The following KIF24 variants were observed in gnomAD, a reference collection of about 807,000 sequenced individuals.
KIF24 encodes kinesin-like protein KIF24.
In KIF24, 81 loss-of-function variants were observed where a neutral mutation model predicts 118.9. The observed-to-expected ratio is 0.68, with a 90% CI of 0.57 to 0.82. KIF24 has a LOEUF of 0.82. Among genes scored for constraint, KIF24 ranks in the 40% least tolerant of loss-of-function variants. The pLI is 0.00. For missense variants in KIF24, 1,560 were observed against 1,661.6 expected (o/e 0.94, Z 1.06); for synonymous variants, 599 against 610.0 (o/e 0.98, Z 0.27).
intron 1 of KIF24, among the ~76,000 whole-genome samples, chr9:34,313,656 G>A (rs552146228): frequency 4.0e-5 from 6 of 150,728 alleles, no homozygotes; most frequent in African/African-American, 1.5e-4. Context: ...GCAATTTTAG[G>A]TTCACAGCAA....
At position 34,252,454 on chromosome 9, in the gene KIF24, A is replaced by G. The variant is rs915869256; in HGVS notation, c.*1926T>C. On this transcript the variant is annotated 3_prime_UTR_variant, in exon 13 of 13. Transcript: ENST00000402558. ...AAATACAAAGGATATACAGTCTTGAATCTAAAATAATTTGCTAACTAACTA... is the reference window on the plus strand; with the variant it reads ...AAATACAAAGGATATACAGTCTTGAGTCTAAAATAATTTGCTAACTAACTA... The G allele has an allele frequency of 8.7e-5, 9 of 103,772 alleles. No individual in the cohort carries two copies. Among genetic ancestry groups the G allele is most frequent in the Admixed American group, 2.3e-4 (2 of 8,764 alleles). The allele number at this position is 103,772 out of a possible 1,614,324, so 6.4% of individuals were successfully genotyped here.
At chr9:34,259,798 C>T in intron 9 of KIF24, 93 bp from the exon 10 acceptor site, 1 of 752,498 alleles carries the variant, frequency 1.3e-6, no homozygotes, top group Non-Finnish European at 2.3e-6. Flanking sequence ...GCCATAGTTC[C>T]CTTCTGTCCA....
chr9:34,316,339 A>T (rs74448255), intron 1 of KIF24, among the ~76,000 whole-genome samples: 2 of 142,664 alleles, frequency 1.4e-5, no homozygotes, highest in Non-Finnish European at 3.0e-5. Context: ...GACTCTATTA[A>T]AAAAAAAAAA....
chr9:34,254,242 C>T lies in KIF24; in HGVS notation c.*138G>A. On this transcript the variant is annotated 3_prime_UTR_variant, in exon 13 of 13. Coordinates refer to ENST00000402558, the MANE Select transcript of KIF24 (RefSeq NM_194313.4). Reference sequence around the variant, plus strand: ...GGGACCTATCTGAAGCCACGTGGGGCTGGGGTGACGCTAGCATAGGCAGGA... The same window carrying T: ...GGGACCTATCTGAAGCCACGTGGGGTTGGGGTGACGCTAGCATAGGCAGGA... 1 of 955,264 alleles carries T rather than the reference C, an allele frequency of 1.0e-6. No homozygotes were observed. The highest frequency in any genetic ancestry group is 1.5e-6 in the Non-Finnish European group (1 of 680,262). The allele number at this position is 955,264 out of a possible 1,614,324, so 59.2% of individuals were successfully genotyped here.
At chr9:34,314,267 A>T (rs1837267184) in intron 1 of KIF24, among the ~76,000 whole-genome samples, 1 of 151,404 alleles carries the variant, frequency 6.6e-6, no homozygotes, top group Non-Finnish European at 1.5e-5. Context: ...GAGTTCAAGC[A>T]ATTCCCATGC....
intron 1 of KIF24, among the ~76,000 whole-genome samples, chr9:34,321,513 A>G (rs1587976802): frequency 6.9e-6 from 1 of 145,512 alleles, no homozygotes; most frequent in Admixed American, 7.1e-5. Flanking sequence ...TCTGTAACGC[A>G]CCCACTAAGT....
At chr9:34,324,199 T>C (rs1407747545) in intron 1 of KIF24, among the ~76,000 whole-genome samples, 2 of 152,224 alleles carry the variant, frequency 1.3e-5, no homozygotes, top group African/African-American at 4.8e-5. Context: ...CATGGCTATG[T>C]GTTGCAGCAA....
At chr9:34,282,575 A>T in intron 6 of KIF24, 1 of 152,202 alleles carries the variant, frequency 6.6e-6, no homozygotes. Flanking sequence ...TGGAGCGGAC[A>T]GAGCAAGCTC....
Position 34,271,932 on chromosome 9 carries a change from T to C in KIF24, c.1216-2A>G. On this transcript the variant is annotated splice_acceptor_variant, in intron 6 of 12. Coordinates refer to ENST00000402558, the MANE Select transcript of KIF24 (RefSeq NM_194313.4). LOFTEE classifies it high-confidence loss of function. Reference sequence around the variant, plus strand: ...CTCCTTGCTGCCCTTTAAGATCACCTGAAAATAAAATCCACAGGATGACTT... The same window carrying C: ...CTCCTTGCTGCCCTTTAAGATCACCCGAAAATAAAATCCACAGGATGACTT... 1 of 1,584,878 alleles carries C rather than the reference T, an allele frequency of 6.3e-7. No individual in the cohort carries two copies. The highest frequency in any genetic ancestry group is 8.6e-7 in the Non-Finnish European group (1 of 1,164,848).
intron 1 of KIF24, chr9:34,319,457 C>T (rs752393478): frequency 1.8e-5 from 23 of 1,266,568 alleles, no homozygotes; most frequent in Non-Finnish European, 2.1e-5. Context: ...GCGTGTTCCA[C>T]GCCACCGCCT....
In KIF24 at chr9:34,253,519, G is replaced by A. The variant is rs1834690392; in HGVS notation, c.*861C>T. The A allele has an allele frequency of 6.6e-6, 1 of 152,268 alleles. No homozygotes were observed. The highest frequency in any genetic ancestry group is 1.5e-5 in the Non-Finnish European group (1 of 68,122). 9.4% of individuals were successfully genotyped at this position (152,268 alleles called of 1,614,324 possible). The stretch of plus-strand genomic sequence containing the variant: ...AGACCCCTGAGAGGCAGGGTGGCTG[G>A]GCAGGGTGAACTGGATGAAGGCCAG... On this transcript the variant is annotated 3_prime_UTR_variant, in exon 13 of 13. Transcript: ENST00000402558.
chr9:34,262,644 CAAAAAAAAAAAAAAAAAAA>C (rs1172989308), intron 9 of KIF24, among the ~76,000 whole-genome samples: 4 of 19,612 alleles, frequency 2.0e-4, no homozygotes, highest in African/African-American at 1.2e-3. Flanking sequence ...CTGTCTCTAC[CAAAAAAAAAAAAAAAAAAA>C]AAAAAAAAAA....
intron 1 of KIF24, among the ~76,000 whole-genome samples, chr9:34,313,922 AT>A (rs5897568): frequency 0.49 from 68,933 of 140,010 alleles, 18,767 homozygotes; most frequent in South Asian, 0.66. Context: ...TAATTTTTAC[AT>A]TTTTTTTTTT....
At chr9:34,276,402 C>CAAAAAA (rs11419785) in intron 6 of KIF24, among the ~76,000 whole-genome samples, 3 of 80,692 alleles carry the variant, frequency 3.7e-5, no homozygotes, top group Non-Finnish European at 2.6e-5. Context: ...AACTGCATCT[C>CAAAAAA]AAAAAAAAAA....
intron 5 of KIF24, among the ~76,000 whole-genome samples, chr9:34,289,359 G>C (rs552215198): frequency 6.6e-6 from 1 of 152,284 alleles, no homozygotes; most frequent in South Asian, 2.1e-4. Context: ...CTTTTGGACA[G>C]CTCCATAGAG....
chr9:34,312,175 G>C (rs2131816944), intron 1 of KIF24, among the ~76,000 whole-genome samples: 1 of 152,222 alleles, frequency 6.6e-6, no homozygotes, highest in East Asian at 1.9e-4. Flanking sequence ...AGCCAATTCA[G>C]GATTTCAGAT....
At chr9:34,261,299 G>A (rs1469639530) in intron 9 of KIF24, among the ~76,000 whole-genome samples, 1 of 152,082 alleles carries the variant, frequency 6.6e-6, no homozygotes, top group Non-Finnish European at 1.5e-5. Context: ...AAAGAACCCA[G>A]GACACCCACA....
rs564384275 is a variant in KIF24 at position 34,254,113 on chromosome 9, C to G, written c.*267G>C. The G allele has an allele frequency of 5.6e-6, 2 of 354,376 alleles. No individual in the cohort carries two copies. The highest frequency in any genetic ancestry group is 1.0e-4 in the South Asian group (1 of 9,814). 22.0% of individuals were successfully genotyped at this position (354,376 alleles called of 1,614,324 possible). ...GCAAGGGGTTAGTTAATCATATTCT[C>G]TAGGCACAAGGGAAAGGCATTAGGT... On this transcript the variant is annotated 3_prime_UTR_variant, in exon 13 of 13. Transcript: ENST00000402558.
rs753062525 is a variant in KIF24, at chr9:34,254,422, G to T, written c.4065C>A (p.Cys1355Ter). Residue 1355 changes from cysteine (C) to a stop codon, truncating the protein, a stop_gained, in exon 13 of 13, where the codon TGC becomes TGA. Transcript: ENST00000402558. LOFTEE classifies it high-confidence loss of function. ...LRSQLQLYLT[C>*]HGPTAAPEGT... ...CCTCAGGGGCTGCGGTGGGCCCGTGGCAGGTGAGATAGAGCTGCAGCTGGC... is the reference window on the plus strand; with the variant it reads ...CCTCAGGGGCTGCGGTGGGCCCGTGTCAGGTGAGATAGAGCTGCAGCTGGC... 2 of 1,613,808 alleles carry T rather than the reference G, an allele frequency of 1.2e-6. No homozygotes were observed. The highest frequency in any genetic ancestry group is 1.7e-5 in the Admixed American group (1 of 60,018).
Sources: gnomAD v4.1 joint callset for allele counts (sites outside exome capture counted in the v4.1 genomes callset) on GRCh38, gnomAD v4.1.1 for gene constraint, MANE v1.5 for transcripts, NCBI Gene and HGNC (gene_info 2026-07-23, HGNC 2026-07-21) for gene names.